SLC9A9: variants seen among roughly 807,000 people sequenced by gnomAD.
SLC9A9 encodes the protein solute carrier family 9 member A9, also known as sodium/hydrogen exchanger 9.
In SLC9A9, 62 loss-of-function variants were observed where a neutral mutation model predicts 77.8. That is an observed-to-expected ratio of 0.80 (90% CI 0.65 to 0.98). The LOEUF (loss-of-function observed/expected upper bound fraction) is 0.98, where lower values mean the gene tolerates loss of function less well. Ranked by LOEUF, SLC9A9 falls within the 50% of genes least tolerant of loss-of-function variation. The probability of loss-of-function intolerance (pLI) is 0.00; values close to 1 mark genes in which losing one functional copy is unlikely to be tolerated. For missense variants in SLC9A9, 775 were observed against 774.9 expected, an observed-to-expected ratio of 1.00 and a Z score of 0.00; for synonymous variants, 320 against 283.5, an observed-to-expected ratio of 1.13 and a Z score of -1.29.
intron 4 of SLC9A9, among the ~76,000 whole-genome samples, chr3:143,751,047 G>T (rs2006695781): frequency 6.6e-6 from 1 of 152,208 alleles, no homozygotes; most frequent in South Asian, 2.1e-4. Flanking sequence ...GGCTGCTGGA[G>T]AAGATGCACA....
At chr3:143,735,194 A>C (rs964774180) in intron 4 of SLC9A9, among the ~76,000 whole-genome samples, 3 of 152,226 alleles carry the variant, frequency 2.0e-5, no homozygotes, top group African/African-American at 7.2e-5. Flanking sequence ...CAAAAGAGAA[A>C]GCAATCGTTG....
intron 14 of SLC9A9, among the ~76,000 whole-genome samples, chr3:143,317,510 G>A (rs1450613195): frequency 6.6e-6 from 1 of 152,160 alleles, no homozygotes; most frequent in Non-Finnish European, 1.5e-5. Context: ...GGTCTTTATG[G>A]GGGCTGAAAG....
intron 1 of SLC9A9, among the ~76,000 whole-genome samples, chr3:143,836,036 T>C (rs762553296): frequency 2.6e-5 from 4 of 152,208 alleles, no homozygotes; most frequent in East Asian, 1.9e-4. Context: ...TGCACTTTAA[T>C]GAACCCTGAC....
intron 6 of SLC9A9, among the ~76,000 whole-genome samples, chr3:143,619,559 TG>T (rs1467209635): frequency 7.9e-4 from 121 of 152,314 alleles, no homozygotes; most frequent in African/African-American, 2.8e-3. Flanking sequence ...TGATTTGCGT[TG>T]CCCTAGATAA....
At chr3:143,448,789 C>T (rs953050427) in intron 12 of SLC9A9, among the ~76,000 whole-genome samples, 2 of 138,392 alleles carry the variant, frequency 1.4e-5, no homozygotes, top group African/African-American at 5.4e-5. Flanking sequence ...GTATAATATG[C>T]TTTAATACAA....
chr3:143,622,524 A>C (rs963710810), intron 6 of SLC9A9, among the ~76,000 whole-genome samples: 2 of 152,220 alleles, frequency 1.3e-5, no homozygotes, highest in Non-Finnish European at 2.9e-5. Flanking sequence ...TAAGCTTCAT[A>C]AGTGAAGGAG....
At chr3:143,469,975 G>C (rs377616074) in intron 11 of SLC9A9, among the ~76,000 whole-genome samples, 1 of 152,150 alleles carries the variant, frequency 6.6e-6, no homozygotes, top group East Asian at 1.9e-4. Flanking sequence ...ATACCCAGCT[G>C]GGGATAAGAG....
At chr3:143,269,627 C>T (rs544978295) in intron 14 of SLC9A9, among the ~76,000 whole-genome samples, 28 of 152,316 alleles carry the variant, frequency 1.8e-4, no homozygotes, top group African/African-American at 6.7e-4. Context: ...CCATTGTTTC[C>T]TCCAATCTAT....
chr3:143,380,058 G>A (rs556079752), intron 13 of SLC9A9, among the ~76,000 whole-genome samples: 32 of 152,200 alleles, frequency 2.1e-4, no homozygotes, highest in Non-Finnish European at 2.5e-4. Flanking sequence ...AGAGGCAGAC[G>A]TTATTATCAT....
At chr3:143,444,966 T>G (rs1202221843) in intron 12 of SLC9A9, among the ~76,000 whole-genome samples, 1 of 152,166 alleles carries the variant, frequency 6.6e-6, no homozygotes, top group African/African-American at 2.4e-5. Flanking sequence ...ATGGACTGTG[T>G]GTCCATCCAC....
chr3:143,511,081 G>T (rs2036108395), intron 9 of SLC9A9, among the ~76,000 whole-genome samples: 1 of 152,168 alleles, frequency 6.6e-6, no homozygotes, highest in African/African-American at 2.4e-5. Context: ...AGAAGATCGA[G>T]AAAAGAATGC....
intron 13 of SLC9A9, chr3:143,381,856 A>G (rs1387981834): frequency 1.6e-6 from 1 of 611,288 alleles, no homozygotes; most frequent in African/African-American, 1.8e-5. Context: ...GCTTGCAAGT[A>G]CATGCTAGTT....
At chr3:143,273,464 G>A (rs1937954000) in intron 14 of SLC9A9, among the ~76,000 whole-genome samples, 1 of 152,252 alleles carries the variant, frequency 6.6e-6, no homozygotes, top group South Asian at 2.1e-4. Context: ...AAGAGATCAT[G>A]TGAGACCATA....
chr3:143,403,436 A>C (rs1576474236), intron 12 of SLC9A9, among the ~76,000 whole-genome samples: 1 of 151,634 alleles, frequency 6.6e-6, no homozygotes, highest in Admixed American at 6.6e-5. Flanking sequence ...ATACGTAGTT[A>C]CCTTTGCCGG....
chr3:143,847,531 A>C (rs2009855127), intron 1 of SLC9A9: 1 of 152,924 alleles, frequency 6.5e-6, no homozygotes. Context: ...AGCAATGATC[A>C]TTATAAATTA....
chr3:143,821,690 C>A (rs1222097524), intron 2 of SLC9A9, among the ~76,000 whole-genome samples: 1 of 152,156 alleles, frequency 6.6e-6, no homozygotes, highest in Non-Finnish European at 1.5e-5. Flanking sequence ...GTACCTTTTG[C>A]CAATTTCTGT....
chr3:143,665,568 A>G (rs1295075231), intron 5 of SLC9A9, among the ~76,000 whole-genome samples: 1 of 152,218 alleles, frequency 6.6e-6, no homozygotes, highest in African/African-American at 2.4e-5. Context: ...AAAGATCAAC[A>G]AAATTGATAG....
At chr3:143,765,697 C>G (rs1415729686) in intron 4 of SLC9A9, among the ~76,000 whole-genome samples, 1 of 152,130 alleles carries the variant, frequency 6.6e-6, no homozygotes, top group Non-Finnish European at 1.5e-5. Flanking sequence ...TTCAATATTA[C>G]TTTCATTCAT....
At chr3:143,796,197 G>A (rs938264930) in intron 3 of SLC9A9, among the ~76,000 whole-genome samples, 4 of 152,192 alleles carry the variant, frequency 2.6e-5, no homozygotes, top group African/African-American at 4.8e-5. Flanking sequence ...CCGTGCTCAA[G>A]TACTGTTAGA....
Sources: allele counts gnomAD v4.1 joint callset (sites outside exome capture counted in the v4.1 genomes callset), GRCh38; gene constraint gnomAD v4.1.1; transcripts MANE v1.5; gene names NCBI Gene and HGNC (gene_info 2026-07-23, HGNC 2026-07-21).